Variants in CDV3 observed in about 807,000 individuals in gnomAD.
The protein encoded by CDV3 is protein CDV3 homolog.
In CDV3, 14 loss-of-function variants were observed where a neutral mutation model predicts 24.5. That is an observed-to-expected ratio of 0.57 (90% CI 0.38 to 0.89). CDV3 has a LOEUF of 0.89. CDV3 is among the 40% of genes least tolerant of loss of function. The pLI is 0.00. For missense variants in CDV3, 304 were observed against 310.2 expected (o/e 0.98, Z 0.15); for synonymous variants, 114 against 114.1 (o/e 1.00, Z 0.00).
rs1422829351 is a variant in CDV3 at position 133,587,931 on chromosome 3, GAC to G, written c.666_667del (p.His222GlnfsTer3). 3.1e-6 allele frequency: 5 copies of G among 1,613,012 alleles called. No homozygotes were observed. The East Asian group carries it at 8.9e-5, about 29-fold the overall frequency. ...ATGGAGAAGAGCTTTGAAGTAGTAA[GAC>G]ACAAAAATAGAGGTAGGGATGAGGT... On this transcript the variant is annotated frameshift_variant, in exon 5 of 5. Coordinates refer to ENST00000264993, the MANE Select transcript of CDV3 (RefSeq NM_017548.5). LOFTEE classifies it high-confidence loss of function.
chr3:133,585,477 G>A (rs780246440), intron 3 of CDV3, among the ~76,000 whole-genome samples: 8 of 150,700 alleles, frequency 5.3e-5, no homozygotes, highest in African/African-American at 1.2e-4. Context: ...CATTGTGCCT[G>A]GCTAGAATCT....
chr3:133,588,621 G>A lies in CDV3; in HGVS notation c.*575G>A, dbSNP rs755017722. ...GGAATACTCTCTGTAGTAGGCTGTT[G>A]TTATATTAGACTTCCTGGAACACAC... On this transcript the variant is annotated 3_prime_UTR_variant, in exon 5 of 5. Coordinates refer to ENST00000264993, the MANE Select transcript of CDV3 (RefSeq NM_017548.5). 1 of 554,906 alleles carries A rather than the reference G, an allele frequency of 1.8e-6. No homozygotes were observed. Among genetic ancestry groups the A allele is most frequent in the Admixed American group, 3.2e-5 (1 of 31,222 alleles). The allele number at this position is 554,906 out of a possible 1,614,324, so 34.4% of individuals were successfully genotyped here. A position where few individuals can be genotyped will look rare whatever the true frequency, so the allele number is the denominator to read the frequency against.
In CDV3 at chr3:133,585,588, G is replaced by A. The variant is rs1230026680; in HGVS notation, c.467-975G>A. On this transcript the variant is annotated intron_variant, in intron 3 of 4. Coordinates refer to ENST00000264993, the MANE Select transcript of CDV3 (RefSeq NM_017548.5). ...TGGGTCACTGCAACCTCCGCCTCCC[G>A]GGTTCAAGCTATTCTCCTGCCTCAG... Among the ~76,000 whole-genome samples the A allele has an allele frequency of 3.3e-5, 5 of 151,616 alleles. No individual in the cohort carries two copies. In the East Asian group the frequency reaches 7.8e-4, roughly 24 times the overall value.
At chr3:133,580,677 G>A (rs1328508016) in intron 2 of CDV3, among the ~76,000 whole-genome samples, 1 of 152,070 alleles carries the variant, frequency 6.6e-6, no homozygotes, top group Admixed American at 6.5e-5. Flanking sequence ...ACTCCAGTCT[G>A]GGCAACAGGA....
At chr3:133,587,060 A>G in intron 4 of CDV3, 1 of 597,666 alleles carries the variant, frequency 1.7e-6, no homozygotes, top group Non-Finnish European at 2.7e-6. Flanking sequence ...TGGAAACTAG[A>G]AATATAAAAG....
Position 133,574,947 on chromosome 3 carries a change from C to T in CDV3, c.241-92C>T, listed in dbSNP as rs1318447528. 6 of 868,884 alleles carry T rather than the reference C, an allele frequency of 6.9e-6. No homozygotes were observed. The African/African-American group carries it at 1.0e-4, about 15-fold the overall frequency. 53.8% of individuals were successfully genotyped at this position (868,884 alleles called of 1,614,324 possible). A position where few individuals can be genotyped will look rare whatever the true frequency, so the allele number is the denominator to read the frequency against. ...GACAAGTACATACTTAGTTTAGGTT[C>T]CAGCCACTTGATCCACTTTTCGTAG... is the stretch of plus-strand genomic sequence containing the variant. On this transcript the variant is annotated intron_variant, in intron 1 of 4. Transcript: ENST00000264993.
intron 2 of CDV3, among the ~76,000 whole-genome samples, chr3:133,580,236 T>C (rs2074963431): frequency 6.6e-6 from 1 of 152,130 alleles, no homozygotes; most frequent in African/African-American, 2.4e-5. Flanking sequence ...TTTTCTGTCC[T>C]TGTGATATTT....
At position 133,583,679 on chromosome 3, in the gene CDV3, C is replaced by T. The variant is rs545137801; in HGVS notation, c.318-323C>T. On this transcript the variant is annotated intron_variant, in intron 2 of 4. Coordinates refer to ENST00000264993, the MANE Select transcript of CDV3 (RefSeq NM_017548.5). ...CCGGGTTCAAGGGATTCTCCTGCCTCAGCTTCCCCAGTAGCTGGCATTGTA... is the reference window on the plus strand; with the variant it reads ...CCGGGTTCAAGGGATTCTCCTGCCTTAGCTTCCCCAGTAGCTGGCATTGTA... Among the ~76,000 whole-genome samples, 185 of 152,310 alleles carry T rather than the reference C, an allele frequency of 1.2e-3. 1 individual carries two copies. Among genetic ancestry groups the T allele is most frequent in the Non-Finnish European group, 1.2e-3 (79 of 68,018 alleles).
At chr3:133,576,725 T>C (rs920295058) in intron 2 of CDV3, among the ~76,000 whole-genome samples, 3 of 152,168 alleles carry the variant, frequency 2.0e-5, no homozygotes, top group African/African-American at 7.2e-5. Flanking sequence ...TTTTGGTTAC[T>C]TTTGAGATAG....
chr3:133,579,022 A>AAAT (rs1278933714), intron 2 of CDV3, among the ~76,000 whole-genome samples: 1 of 152,222 alleles, frequency 6.6e-6, no homozygotes, highest in African/African-American at 2.4e-5. Context: ...AGGTAATGTG[A>AAAT]AATAATAGAG....
At chr3:133,584,197 A>AT (rs1933354778) in intron 3 of CDV3, 47 bp downstream of exon 3, 1 of 1,396,614 alleles carries the variant, frequency 7.2e-7, no homozygotes. Flanking sequence ...TTTATATATG[A>AT]TTTTATATAT....
chr3:133,577,448 C>T (rs917946086), intron 2 of CDV3, among the ~76,000 whole-genome samples: 1 of 151,938 alleles, frequency 6.6e-6, no homozygotes, highest in African/African-American at 2.4e-5. Context: ...GCAACCTCAG[C>T]CTCCCGGGTT....
At chr3:133,587,281 T>C in intron 4 of CDV3, 1 of 1,273,908 alleles carries the variant, frequency 7.8e-7, no homozygotes, top group South Asian at 3.3e-5. Context: ...TGACATCAGA[T>C]GGAAATGTGT....
At position 133,588,561 on chromosome 3, in the gene CDV3, G is replaced by C. The variant is rs1933837156; in HGVS notation, c.*515G>C. 3.2e-6 allele frequency: 2 copies of C among 625,330 alleles called. No homozygotes were observed. The highest frequency in any genetic ancestry group is 5.6e-6 in the Non-Finnish European group (2 of 356,618). 38.7% of individuals were successfully genotyped at this position (625,330 alleles called of 1,614,324 possible). On this transcript the variant is annotated 3_prime_UTR_variant, in exon 5 of 5. Transcript: ENST00000264993. Reference sequence around the variant, plus strand: ...TGCTGTAAAAGATGAAGATTTAAGTGACCTTAATTAACCTGTCCTGTGCCC... The same window carrying C: ...TGCTGTAAAAGATGAAGATTTAAGTCACCTTAATTAACCTGTCCTGTGCCC...
At chr3:133,587,696 A>T (rs914057876) in intron 4 of CDV3, 200 bp from the exon 5 acceptor site, 1 of 1,354,440 alleles carries the variant, frequency 7.4e-7, no homozygotes, top group Non-Finnish European at 9.5e-7. Context: ...ATAGGACCCT[A>T]GAGCTTCAAT....
At chr3:133,582,780 G>A (rs1933175522) in intron 2 of CDV3, among the ~76,000 whole-genome samples, 1 of 152,184 alleles carries the variant, frequency 6.6e-6, no homozygotes, top group Non-Finnish European at 1.5e-5. Context: ...AGCCACCATT[G>A]TCATGAAAAA....
rs758810319 is a variant in CDV3 at position 133,573,688 on chromosome 3, C to G, written c.-357C>G. 6.6e-6 allele frequency: 1 copy of G among 151,830 alleles called. No homozygotes were observed. Among genetic ancestry groups the G allele is most frequent in the Non-Finnish European group, 1.5e-5 (1 of 67,966 alleles). 9.4% of individuals were successfully genotyped at this position (151,830 alleles called of 1,614,324 possible). ...CAGGCCTGCGCGCGCGCCTCTTCCTCCGGCACGCGCCGCTGCTAGCCGAGC... is the reference window on the plus strand; with the variant it reads ...CAGGCCTGCGCGCGCGCCTCTTCCTGCGGCACGCGCCGCTGCTAGCCGAGC... On this transcript the variant is annotated 5_prime_UTR_variant, in exon 1 of 5. Coordinates refer to ENST00000264993, the MANE Select transcript of CDV3 (RefSeq NM_017548.5).
intron 2 of CDV3, among the ~76,000 whole-genome samples, chr3:133,580,018 C>T (rs958852079): frequency 1.6e-4 from 25 of 152,120 alleles, no homozygotes; most frequent in African/African-American, 5.6e-4. Context: ...ATGTACACAA[C>T]GTGCAGGTTT....
In CDV3 at chr3:133,586,722, A is replaced by AATACTGAGCCTTCATAAGG. The variant is rs1933641891; in HGVS notation, c.626_626+1insATACTGAGCCTTCATAAGG (p.Asp210TyrfsTer2). On this transcript the variant is annotated stop_gained and frameshift_variant and splice_region_variant. Transcript: ENST00000264993. LOFTEE classifies it high-confidence loss of function. ...ACTGCCAAGCATGTAGAAAGCCGGAAGTAAGTACTATAATTAATTGCATTT... is the reference window on the plus strand; with the variant it reads ...ACTGCCAAGCATGTAGAAAGCCGGAAATACTGAGCCTTCATAAGGGTAAGTACTATAATTAATTGCATTT... 6.4e-7 allele frequency: 1 copy of AATACTGAGCCTTCATAAGG among 1,569,932 alleles called. No homozygotes were observed. The highest frequency in any genetic ancestry group is 1.4e-5 in the African/African-American group (1 of 74,060).
Sources: allele counts gnomAD v4.1 joint callset (sites outside exome capture counted in the v4.1 genomes callset), GRCh38; gene constraint gnomAD v4.1.1; transcripts MANE v1.5; gene names NCBI Gene and HGNC (gene_info 2026-07-23, HGNC 2026-07-21).